Variants in WDR19 observed in about 807,000 individuals in gnomAD.
WDR19 encodes WD repeat domain 19, also known as WD repeat-containing protein 19.
In WDR19, 121 loss-of-function variants were observed where a neutral mutation model predicts 180.0. The ratio of observed to expected loss-of-function variants is 0.67; its 90% CI spans 0.58 to 0.78. WDR19 has a LOEUF of 0.78. WDR19 is among the 30% of genes least tolerant of loss of function. The pLI is 0.00. For missense variants in WDR19, 1,450 were observed against 1,640.7 expected (o/e 0.88, Z 2.01); for synonymous variants, 497 against 540.7 (o/e 0.92, Z 1.12).
At chr4:39,201,183 G>C (rs958536631) in intron 6 of WDR19, among the ~76,000 whole-genome samples, 1 of 152,034 alleles carries the variant, frequency 6.6e-6, no homozygotes, top group Admixed American at 6.5e-5. Context: ...CCATCTTATT[G>C]CTCTGCCATT....
chr4:39,253,824 TA>T, intron 25 of WDR19, 81 bp from the exon 26 acceptor site: 1 of 1,286,606 alleles, frequency 7.8e-7, no homozygotes, highest in Non-Finnish European at 1.1e-6. Flanking sequence ...TTTTGATTTT[TA>T]AATGGTTTCT....
Position 39,231,858 on chromosome 4 carries a change from G to A in WDR19, c.2044G>A (p.Ala682Thr), listed in dbSNP as rs1730902851. ...TGATGAGGCTGCCTGGAATGAGTTG[G>A]CCAGAGCTTGTCTACATCACATGGA... ...LNDEAAWNELARACLHHMEVE... is the reference protein window; with the variant it reads ...LNDEAAWNELTRACLHHMEVE... The change falls in exon 18 of 37, where the codon GCC (alanine) becomes ACC (threonine). Residue 682 changes from alanine to threonine, a missense_variant. By Grantham distance (58) the Ala-to-Thr change is moderately conservative (BLOSUM62 0). Coordinates refer to ENST00000399820, the MANE Select transcript of WDR19 (RefSeq NM_025132.4). 6.2e-7 allele frequency: 1 copy of A among 1,611,342 alleles called. No individual in the cohort carries two copies. Among genetic ancestry groups the A allele is most frequent in the East Asian group, 2.2e-5 (1 of 44,818 alleles).
chr4:39,205,707 TAAC>T lies in WDR19; in HGVS notation c.864_866del (p.Asn288del). 1 of 1,607,672 alleles carries T rather than the reference TAAC, an allele frequency of 6.2e-7. No homozygotes were observed. The highest frequency in any genetic ancestry group is 8.5e-7 in the Non-Finnish European group (1 of 1,176,674). On this transcript the variant is annotated inframe_deletion, in exon 9 of 37. Transcript: ENST00000399820. ...CCAGCATTGCAGTATCACAGACTCT[TAAC>T]AAAGTTGCTACATGTGGAGATAACT...
chr4:39,207,140 T>C (rs142535440), intron 9 of WDR19, among the ~76,000 whole-genome samples: 39 of 152,074 alleles, frequency 2.6e-4, no homozygotes, highest in African/African-American at 8.9e-4. Flanking sequence ...AGAAAAGAAA[T>C]AGAACCAATA....
chr4:39,218,076 A>G lies in WDR19; in HGVS notation c.1450A>G (p.Thr484Ala). 6.2e-7 allele frequency: 1 copy of G among 1,613,898 alleles called. No homozygotes were observed. Among genetic ancestry groups the G allele is most frequent in the South Asian group, 1.1e-5 (1 of 91,066 alleles). Reference sequence around the variant, plus strand: ...GTGCCGTATCTTATGCCATGCCTTAACTAGTGATTTCCTCATCTATGGTAC... The same window carrying G: ...GTGCCGTATCTTATGCCATGCCTTAGCTAGTGATTTCCTCATCTATGGTAC... ...DKCRILCHAL[T>A]SDFLIYGTDT... Residue 484 changes from threonine (T) to alanine (A), a missense_variant, in exon 14 of 37, where the codon ACT becomes GCT. Physicochemically the swap from Thr to Ala is moderately conservative, Grantham distance 58. Transcript: ENST00000399820.
At chr4:39,281,758 G>A (rs11943766) in intron 36 of WDR19, among the ~76,000 whole-genome samples, 1 of 152,188 alleles carries the variant, frequency 6.6e-6, no homozygotes, top group Non-Finnish European at 1.5e-5. Flanking sequence ...GTATGGCTTA[G>A]CTGGGTCTTC....
At position 39,274,919 on chromosome 4, in the gene WDR19, T is replaced by C. The variant is rs1198130831; in HGVS notation, c.3677T>C (p.Ile1226Thr). Residue 1226 changes from isoleucine (I) to threonine (T), a missense_variant, in exon 33 of 37, where the codon ATA becomes ACA. Physicochemically the swap from Ile to Thr is moderately conservative, Grantham distance 89 (BLOSUM62 -1). Coordinates refer to ENST00000399820, the MANE Select transcript of WDR19 (RefSeq NM_025132.4). ...ATGAGGCCTGAATACCGCAGCAAAA[T>C]AGATGCCAAATACAAAAAGAAGATC... ...MLMRPEYRSKIDAKYKKKIEG... is the reference protein window; with the variant it reads ...MLMRPEYRSKTDAKYKKKIEG... 6.2e-7 allele frequency: 1 copy of C among 1,613,950 alleles called. No individual in the cohort carries two copies. The highest frequency in any genetic ancestry group is 1.7e-5 in the Admixed American group (1 of 60,020).
At chr4:39,271,172 C>T (rs1041945656) in intron 31 of WDR19, among the ~76,000 whole-genome samples, 6 of 152,184 alleles carry the variant, frequency 3.9e-5, no homozygotes, top group Non-Finnish European at 8.8e-5. Flanking sequence ...GCTGGGATTA[C>T]AGGCGTGAGC....
chr4:39,183,658 A>G (rs1725211244), intron 1 of WDR19, among the ~76,000 whole-genome samples: 3 of 152,330 alleles, frequency 2.0e-5, no homozygotes, highest in South Asian at 4.1e-4. Context: ...TTTTATTTCT[A>G]AAGCTCTTTA....
At chr4:39,197,425 C>CAAAAAAAA (rs11343008) in intron 5 of WDR19, among the ~76,000 whole-genome samples, 1 of 113,338 alleles carries the variant, frequency 8.8e-6, no homozygotes, top group African/African-American at 3.5e-5. Flanking sequence ...GACTCTATCT[C>CAAAAAAAA]AAAAAAAAAA....
intron 20 of WDR19, among the ~76,000 whole-genome samples, chr4:39,236,742 T>C (rs2109383377): frequency 6.6e-6 from 1 of 152,308 alleles, no homozygotes; most frequent in Admixed American, 6.5e-5. Context: ...TGAGTAATAG[T>C]CCTTTATGAT....
intron 1 of WDR19, 50 bp from the exon 2 acceptor site, chr4:39,185,676 A>G (rs764204223): frequency 1.7e-5 from 26 of 1,511,806 alleles, no homozygotes; most frequent in African/African-American, 2.8e-5. Flanking sequence ...TTTCTGATCA[A>G]CACTTGATTG....
intron 4 of WDR19, among the ~76,000 whole-genome samples, chr4:39,193,375 G>A (rs1392405457): frequency 1.3e-5 from 2 of 151,972 alleles, no homozygotes; most frequent in South Asian, 2.1e-4. Flanking sequence ...GGCCAGGCTG[G>A]TCTCGAACTC....
intron 28 of WDR19, among the ~76,000 whole-genome samples, chr4:39,261,043 G>A (rs1734239630): frequency 6.6e-6 from 1 of 151,944 alleles, no homozygotes; most frequent in Non-Finnish European, 1.5e-5. Flanking sequence ...GCACAGGCTG[G>A]AGTGCAGTGG....
chr4:39,267,475 T>G (rs1203798483), intron 29 of WDR19, among the ~76,000 whole-genome samples: 1 of 152,208 alleles, frequency 6.6e-6, no homozygotes, highest in Admixed American at 6.5e-5. Context: ...CAGCGTCAGA[T>G]GCTCGCAGCT....
At chr4:39,238,596 A>G (rs564877699) in intron 20 of WDR19, among the ~76,000 whole-genome samples, 5 of 152,324 alleles carry the variant, frequency 3.3e-5, no homozygotes, top group African/African-American at 9.6e-5. Flanking sequence ...CATCAGGTCC[A>G]TACTGGTAAT....
intron 36 of WDR19, among the ~76,000 whole-genome samples, chr4:39,280,353 G>A (rs936418911): frequency 2.6e-5 from 4 of 151,830 alleles, no homozygotes; most frequent in Non-Finnish European, 5.9e-5. Flanking sequence ...TATGCTTTTG[G>A]TATTGTATCA....
At chr4:39,254,909 T>A (rs1733602130) in intron 26 of WDR19, among the ~76,000 whole-genome samples, 1 of 152,218 alleles carries the variant, frequency 6.6e-6, no homozygotes, top group South Asian at 2.1e-4. Flanking sequence ...TTCTGTTTTT[T>A]AAAATCCACG....
intron 20 of WDR19, among the ~76,000 whole-genome samples, chr4:39,235,228 G>A (rs771844110): frequency 1.3e-5 from 2 of 151,994 alleles, no homozygotes; most frequent in East Asian, 1.9e-4. Flanking sequence ...CTGTGCTCAC[G>A]TGATCCTCCC....
Sources: allele counts gnomAD v4.1 joint callset (sites outside exome capture counted in the v4.1 genomes callset), GRCh38; gene constraint gnomAD v4.1.1; transcripts MANE v1.5; gene names NCBI Gene and HGNC (gene_info 2026-07-23, HGNC 2026-07-21).